Variants in HDGFL2 observed in about 807,000 individuals in gnomAD.
HDGFL2 encodes the protein HDGF like 2, also known as hepatoma-derived growth factor-related protein 2.
A neutral mutation model predicts 77.1 loss-of-function variants in HDGFL2; 36 were observed. The observed-to-expected ratio is 0.47, with a 90% CI of 0.36 to 0.62. The LOEUF is 0.62. Ranked by LOEUF, HDGFL2 falls within the 20% of genes least tolerant of loss-of-function variation. The probability of loss-of-function intolerance (pLI) is 0.00; values close to 1 mark genes in which losing one functional copy is unlikely to be tolerated. For synonymous variants in HDGFL2, 463 were observed against 413.1 expected, an observed-to-expected ratio of 1.12 and a Z score of -1.46; for missense variants, 976 against 973.4, an observed-to-expected ratio of 1.00 and a Z score of -0.04.
At position 4,499,050 on chromosome 19, in the gene HDGFL2, A is replaced by G. The variant is rs527586309; in HGVS notation, c.1575+135A>G. On this transcript the variant is annotated intron_variant, in intron 13 of 15. Coordinates refer to ENST00000616600, the MANE Select transcript of HDGFL2 (RefSeq NM_001001520.3). ...GCGAGGAGGCCGTGGGCTGCTGGGT[A>G]GAAATGCCTGGTGCTTGCCAGGAGT... is the stretch of plus-strand genomic sequence containing the variant. The G allele has an allele frequency of 3.7e-3, 2,327 of 632,156 alleles. 13 individuals carry two copies. Among genetic ancestry groups the G allele is most frequent in the Non-Finnish European group, 5.3e-3 (1,852 of 352,342 alleles). 39.2% of individuals were successfully genotyped at this position (632,156 alleles called of 1,614,324 possible). A position where few individuals can be genotyped will look rare whatever the true frequency, so the allele number is the denominator to read the frequency against.
chr19:4,473,115 C>G (rs1368175275), intron 1 of HDGFL2, among the ~76,000 whole-genome samples: 1 of 150,376 alleles, frequency 6.6e-6, no homozygotes, highest in East Asian at 2.0e-4. Flanking sequence ...GGGTCCCGGG[C>G]CCGAGGAAGC....
intron 10 of HDGFL2, chr19:4,497,725 T>G (rs994137788): frequency 5.4e-5 from 30 of 554,628 alleles, no homozygotes; most frequent in Middle Eastern, 9.5e-4. Flanking sequence ...TGGGATTTCA[T>G]GAGAACTCGG....
intron 15 of HDGFL2, chr19:4,501,623 C>T (rs1226366983): frequency 4.2e-6 from 2 of 471,572 alleles, no homozygotes; most frequent in African/African-American, 4.0e-5. Context: ...ACCCGGCTAT[C>T]TGACGGTGCC....
At chr19:4,498,105 C>T in intron 11 of HDGFL2, 74 bp downstream of exon 11, 1 of 1,316,160 alleles carries the variant, frequency 7.6e-7, no homozygotes, top group Non-Finnish European at 1.1e-6. Context: ...GCGTGGCTGG[C>T]CTGTCCCGCC....
At chr19:4,495,033 A>G (rs770939168) in intron 9 of HDGFL2, among the ~76,000 whole-genome samples, 4 of 152,030 alleles carry the variant, frequency 2.6e-5, no homozygotes, top group Non-Finnish European at 4.4e-5. Context: ...TTCTCTTTTA[A>G]ATAGAGTAGA....
At chr19:4,478,192 C>T (rs912958026) in intron 3 of HDGFL2, among the ~76,000 whole-genome samples, 1 of 132,112 alleles carries the variant, frequency 7.6e-6, no homozygotes, top group Non-Finnish European at 1.6e-5. Flanking sequence ...GTCCCGGATG[C>T]TGCTGTTTTT....
rs768921996 is a variant in HDGFL2 at position 4,493,786 on chromosome 19, GTCC to G, written c.774_776del (p.Ser264del). 135 of 1,543,058 alleles carry G rather than the reference GTCC, an allele frequency of 8.7e-5. No individual in the cohort carries two copies. The Admixed American group carries it at 1.1e-3, about 13-fold the overall frequency. ...AGCCGGTGGCCATGGCGCGGTCGGC[GTCC>G]TCCTCCTCCTCTTCCTCCTCCTCCT... On this transcript the variant is annotated inframe_deletion, in exon 7 of 16. Coordinates refer to ENST00000616600, the MANE Select transcript of HDGFL2 (RefSeq NM_001001520.3).
At position 4,472,434 on chromosome 19, in the gene HDGFL2, C is replaced by A; in HGVS notation, c.72+12C>A. On this transcript the variant is annotated intron_variant, in intron 1 of 15. Coordinates refer to ENST00000616600, the MANE Select transcript of HDGFL2 (RefSeq NM_001001520.3). ...ACTGGCCTGCCAGGGTGAGGCCGCG[C>A]GGGAGATGGGGCCGGTGGGGGGGGG... is the stretch of plus-strand genomic sequence containing the variant. The A allele has an allele frequency of 7.3e-6, 2 of 275,330 alleles. No individual in the cohort carries two copies. The highest frequency in any genetic ancestry group is 1.1e-5 in the Non-Finnish European group (2 of 190,024). 17.1% of individuals were successfully genotyped at this position (275,330 alleles called of 1,614,324 possible). A position where few individuals can be genotyped will look rare whatever the true frequency, so the allele number is the denominator to read the frequency against.
chr19:4,489,260 T>C (rs1290251801), intron 4 of HDGFL2, among the ~76,000 whole-genome samples: 1 of 14,000 alleles, frequency 7.1e-5, no homozygotes, highest in African/African-American at 5.7e-4. Flanking sequence ...GCCACCTTTC[T>C]TTTTTTTTTT....
At chr19:4,491,719 G>C in intron 5 of HDGFL2, 37 bp downstream of exon 5, 1 of 1,612,458 alleles carries the variant, frequency 6.2e-7, no homozygotes. Flanking sequence ...AGGGAAGCGT[G>C]GTGGCTGCCA....
chr19:4,497,700 C>T (rs1385289361), intron 10 of HDGFL2: 5 of 530,100 alleles, frequency 9.4e-6, no homozygotes, highest in Admixed American at 7.1e-5. Context: ...GCCATGTGAA[C>T]GAGGAAAAGA....
chr19:4,501,886 ACACCGCCTTTGCTGTTCC>A lies in HDGFL2; in HGVS notation c.1917-20_1917-3del, dbSNP rs1975903777. 2 of 1,419,858 alleles carry A rather than the reference ACACCGCCTTTGCTGTTCC, an allele frequency of 1.4e-6. No homozygotes were observed. The highest frequency in any genetic ancestry group is 1.5e-5 in the African/African-American group (1 of 68,156). The allele number at this position is 1,419,858 out of a possible 1,614,324, so 88.0% of individuals were successfully genotyped here. On this transcript the variant is annotated splice_polypyrimidine_tract_variant and splice_region_variant and intron_variant, in intron 15 of 15. Coordinates refer to ENST00000616600, the MANE Select transcript of HDGFL2 (RefSeq NM_001001520.3). ...AGGGCAGGGGCGGGAGGGCATCCTC[ACACCGCCTTTGCTGTTCC>A]CACCAGCAGCGTACGGGAGGGTCCC...
rs746112109 is a variant in HDGFL2, at chr19:4,472,344, C to T, written c.-7C>T. ...GCTTTCCGCGGCCTGGGCCTCTCGC[C>T]GTCAGCATGCCACACGCCTTCAAGC... On this transcript the variant is annotated 5_prime_UTR_variant, in exon 1 of 16. Transcript: ENST00000616600. 4.6e-6 allele frequency: 7 copies of T among 1,518,246 alleles called. No homozygotes were observed. Among genetic ancestry groups the T allele is most frequent in the Admixed American group, 2.1e-5 (1 of 47,178 alleles). 94.0% of individuals were successfully genotyped at this position (1,518,246 alleles called of 1,614,324 possible).
At chr19:4,476,662 A>G (rs1975081788) in intron 3 of HDGFL2, among the ~76,000 whole-genome samples, 1 of 149,712 alleles carries the variant, frequency 6.7e-6, no homozygotes, top group Non-Finnish European at 1.5e-5. Context: ...AGTCAGGTGG[A>G]AAAAAACACC....
chr19:4,500,181 T>G (rs1046885736), intron 14 of HDGFL2, among the ~76,000 whole-genome samples: 6 of 152,206 alleles, frequency 3.9e-5, no homozygotes, highest in African/African-American at 1.4e-4. Flanking sequence ...TGGGCTGACA[T>G]GGCCCCATTA....
At position 4,494,195 on chromosome 19, in the gene HDGFL2, A is replaced by AGTGGAAGCGGCGGGACGAGGC; in HGVS notation, c.946_966dup (p.Trp316_Ala322dup). On this transcript the variant is annotated inframe_insertion, in exon 9 of 16. Transcript: ENST00000616600. Reference sequence around the variant, plus strand: ...AGCGACGAGGTGGACCGCATCAGTGAGTGGAAGCGGCGGGACGAGGCGCGG... The same window carrying AGTGGAAGCGGCGGGACGAGGC: ...AGCGACGAGGTGGACCGCATCAGTGAGTGGAAGCGGCGGGACGAGGCGTGGAAGCGGCGGGACGAGGCGCGG... The AGTGGAAGCGGCGGGACGAGGC allele has an allele frequency of 6.7e-7, 1 of 1,488,122 alleles. No individual in the cohort carries two copies. Among genetic ancestry groups the AGTGGAAGCGGCGGGACGAGGC allele is most frequent in the South Asian group, 1.3e-5 (1 of 74,936 alleles). 92.2% of individuals were successfully genotyped at this position (1,488,122 alleles called of 1,614,324 possible). A position where few individuals can be genotyped will look rare whatever the true frequency, so the allele number is the denominator to read the frequency against.
chr19:4,488,873 A>G lies in HDGFL2; in HGVS notation c.486A>G (p.Leu162=), dbSNP rs984544977. 66 of 1,551,044 alleles carry G rather than the reference A, an allele frequency of 4.3e-5. No homozygotes were observed. The highest frequency in any genetic ancestry group is 5.1e-5 in the Non-Finnish European group (58 of 1,146,902). Residue 162 remains leucine, a synonymous_variant, in exon 4 of 16, where the codon CTA becomes CTG. Transcript: ENST00000616600. ...NSGLKRKTPA[L]KMSVSKRARK... ...GCCTGAAGAGGAAGACGCCTGCGCT[A>G]AAGGTAGGGGAGGACCAAGGTGGGC... is the stretch of plus-strand genomic sequence containing the variant.
intron 9 of HDGFL2, among the ~76,000 whole-genome samples, chr19:4,494,734 T>C (rs578071371): frequency 6.6e-6 from 1 of 151,868 alleles, no homozygotes. Context: ...CTGGGCAAGA[T>C]AGAGAGACCC....
intron 14 of HDGFL2, among the ~76,000 whole-genome samples, chr19:4,500,034 G>A (rs1166042294): frequency 2.5e-4 from 5 of 19,770 alleles, no homozygotes; most frequent in Admixed American, 1.2e-3. Context: ...TCTGTGCAGC[G>A]GGGGCAAAGA....
Sources: gnomAD v4.1 joint callset for allele counts (sites outside exome capture counted in the v4.1 genomes callset) on GRCh38, gnomAD v4.1.1 for gene constraint, MANE v1.5 for transcripts, NCBI Gene and HGNC (gene_info 2026-07-23, HGNC 2026-07-21) for gene names.